SCRG1: variants seen among roughly 807,000 people sequenced by gnomAD.
The protein encoded by SCRG1 is scrapie-responsive protein 1.
In SCRG1, 3 loss-of-function variants were observed where a neutral mutation model predicts 7.7. The ratio of observed to expected loss-of-function variants is 0.39; its 90% confidence interval spans 0.18 to 1.01. SCRG1 has a LOEUF of 1.01. Among genes scored for constraint, SCRG1 ranks in the 50% least tolerant of loss-of-function variants. The pLI is 0.36. For synonymous variants in SCRG1, 46 were observed against 41.2 expected (o/e 1.12, Z -0.44); for missense variants, 110 against 117.2 (o/e 0.94, Z 0.28).
the SCRG1 span, among the ~76,000 whole-genome samples, chr4:173,471,844 G>A: frequency 6.6e-6 from 1 of 152,274 alleles, no homozygotes; most frequent in Non-Finnish European, 1.5e-5. Context: ...CGAGTAGCTG[G>A]GATTATAGGC....
chr4:173,386,677 T>C lies in SCRG1; in HGVS notation c.*1664A>G, dbSNP rs1294723385. The C allele has an allele frequency of 6.6e-6, 1 of 152,196 alleles. No individual in the cohort carries two copies. Among genetic ancestry groups the C allele is most frequent in the Admixed American group, 6.5e-5 (1 of 15,272 alleles). The allele number at this position is 152,196 out of a possible 1,614,324, so 9.4% of individuals were successfully genotyped here. A position where few individuals can be genotyped will look rare whatever the true frequency, so the allele number is the denominator to read the frequency against. On this transcript the variant is annotated 3_prime_UTR_variant, in exon 3 of 3. Transcript: ENST00000296506. ...TATATTTTAATGAAATAATGTCACT[T>C]TTATTCATAAAATGATATCTCCCAG...
the SCRG1 span, among the ~76,000 whole-genome samples, chr4:173,518,643 C>T: frequency 6.6e-6 from 1 of 152,150 alleles, no homozygotes; most frequent in South Asian, 2.1e-4. Context: ...CCTGCCGAGC[C>T]CCTGCTGCAT....
chr4:173,400,507 G>C (rs1739734127), upstream of SCRG1, among the ~76,000 whole-genome samples: 1 of 152,154 alleles, frequency 6.6e-6, no homozygotes. Flanking sequence ...TAGAGCTTAG[G>C]AAAAAGCCTG....
the SCRG1 span, chr4:173,446,750 T>A: frequency 6.6e-6 from 1 of 152,212 alleles, no homozygotes; most frequent in Non-Finnish European, 1.5e-5. Context: ...GAGAAGCACA[T>A]ATAAAGTACT....
At chr4:173,514,699 T>C in the SCRG1 span, among the ~76,000 whole-genome samples, 1 of 152,212 alleles carries the variant, frequency 6.6e-6, no homozygotes, top group Admixed American at 6.5e-5. Flanking sequence ...AGAACTGTTT[T>C]CCTTTTCAAG....
At chr4:173,449,139 A>C in the SCRG1 span, among the ~76,000 whole-genome samples, 1 of 152,088 alleles carries the variant, frequency 6.6e-6, no homozygotes, top group Admixed American at 6.6e-5. Flanking sequence ...TGCTGACAAC[A>C]CTCTCACTTT....
the SCRG1 span, among the ~76,000 whole-genome samples, chr4:173,466,823 A>G: frequency 6.6e-6 from 1 of 152,208 alleles, no homozygotes; most frequent in African/African-American, 2.4e-5. Context: ...ACAATTTTTA[A>G]AATGTAAAAT....
At chr4:173,407,136 G>T (rs1006090417), upstream of SCRG1, among the ~76,000 whole-genome samples, 1 of 151,744 alleles carries the variant, frequency 6.6e-6, no homozygotes, top group African/African-American at 2.4e-5. Flanking sequence ...TTGAACCTGG[G>T]AGGCAGAAGT....
chr4:173,501,598 AG>A, the SCRG1 span, among the ~76,000 whole-genome samples: 6 of 152,124 alleles, frequency 3.9e-5, no homozygotes, highest in Non-Finnish European at 5.9e-5. The surrounding 1 kb of genome is among the most constrained non-coding windows in gnomAD (Gnocchi z 5.1). Flanking sequence ...TGGATTCAGA[AG>A]GGGGGGCCGG....
the SCRG1 span, among the ~76,000 whole-genome samples, chr4:173,435,800 CTG>C: frequency 6.6e-6 from 1 of 152,170 alleles, no homozygotes; most frequent in Non-Finnish European, 1.5e-5. Context: ...TGGTGCAGAC[CTG>C]TCTTGTCGCC....
intron 1 of SCRG1, among the ~76,000 whole-genome samples, chr4:173,404,828 T>C (rs1739860578): frequency 6.6e-6 from 1 of 152,254 alleles, no homozygotes; most frequent in South Asian, 2.1e-4. Context: ...ATTGCTCTTC[T>C]ACTTCCCATT....
At chr4:173,391,120 A>G (rs1308823222) in intron 2 of SCRG1, 53 bp downstream of exon 2, 1 of 1,594,974 alleles carries the variant, frequency 6.3e-7, no homozygotes, top group African/African-American at 1.3e-5. Context: ...TGTAGCTAAA[A>G]GTTGTTCTGC....
chr4:173,504,556 G>C, the SCRG1 span, among the ~76,000 whole-genome samples: 1 of 152,234 alleles, frequency 6.6e-6, no homozygotes, highest in South Asian at 2.1e-4. This position sits in a 1 kb window ranked among gnomAD's most constrained non-coding sequence, Gnocchi z 4.7. Context: ...CTGGTGTAAT[G>C]GAGGCAAGCA....
At chr4:173,420,188 G>A in the SCRG1 span, 2 of 398,816 alleles carry the variant, frequency 5.0e-6, no homozygotes, top group Admixed American at 3.2e-5. Context: ...CTTCAGGCCC[G>A]GCCCTAGTGG....
chr4:173,450,609 G>A, the SCRG1 span, among the ~76,000 whole-genome samples: 2 of 152,126 alleles, frequency 1.3e-5, no homozygotes, highest in African/African-American at 4.8e-5. Context: ...GATTATGAAG[G>A]CTATTAAAAG....
the SCRG1 span, among the ~76,000 whole-genome samples, chr4:173,430,151 G>A: frequency 7.2e-5 from 11 of 152,054 alleles, no homozygotes; most frequent in Admixed American, 1.3e-4. Context: ...TCTGTGAAGC[G>A]GGGGAACTGA....
At chr4:173,447,343 A>G in the SCRG1 span, among the ~76,000 whole-genome samples, 4,272 of 152,264 alleles carry the variant, frequency 0.028, 171 homozygotes, top group African/African-American at 0.09. Flanking sequence ...CCACCTCCAA[A>G]TACCATCACA....
chr4:173,491,050 C>G, the SCRG1 span, among the ~76,000 whole-genome samples: 7 of 152,182 alleles, frequency 4.6e-5, no homozygotes, highest in African/African-American at 7.2e-5. Flanking sequence ...CAGCAACTCT[C>G]TCAATCTAGC....
the SCRG1 span, among the ~76,000 whole-genome samples, chr4:173,445,243 A>G: frequency 6.6e-6 from 1 of 152,224 alleles, no homozygotes; most frequent in Non-Finnish European, 1.5e-5. Context: ...TTCTTATCTT[A>G]CATCTTCATA....
Sources: allele counts gnomAD v4.1 joint callset (sites outside exome capture counted in the v4.1 genomes callset), GRCh38; gene constraint gnomAD v4.1.1; non-coding constraint Gnocchi (gnomAD v3.1); transcripts MANE v1.5; gene names NCBI Gene and HGNC (gene_info 2026-07-23, HGNC 2026-07-21).